The following MDN1 variants were observed in gnomAD, a reference collection of about 807,000 sequenced individuals.
The protein encoded by MDN1 is midasin.
MDN1 carries 266 observed loss-of-function variants against 669.2 expected under a neutral mutation model. The observed-to-expected ratio is 0.40, with a 90% CI of 0.36 to 0.44. The LOEUF is 0.44. MDN1 is among the 20% of genes least tolerant of loss of function. The pLI, the probability that MDN1 is intolerant of heterozygous loss-of-function variation, is 1.00. For synonymous variants in MDN1, 2,385 were observed against 2,457.1 expected (o/e 0.97, Z 0.87); for missense variants, 5,940 against 6,754.0 (o/e 0.88, Z 4.22).
chr6:89,786,854 G>A (rs1256531278), intron 8 of MDN1, among the ~76,000 whole-genome samples: 1 of 150,732 alleles, frequency 6.6e-6, no homozygotes, highest in Admixed American at 6.6e-5. Flanking sequence ...GAACCCAGGA[G>A]GTGGAGGTTG....
intron 88 of MDN1, among the ~76,000 whole-genome samples, chr6:89,659,143 G>C (rs911552878): frequency 6.6e-5 from 10 of 152,202 alleles, no homozygotes; most frequent in African/African-American, 2.2e-4. Flanking sequence ...TTGGGAGGCT[G>C]AGACAGAAGG....
Position 89,745,147 on chromosome 6 carries a change from A to AAAG in MDN1, c.4178+125_4178+126insCTT, listed in dbSNP as rs1816535271. 53 of 1,002,750 alleles carry AAAG rather than the reference A, an allele frequency of 5.3e-5. No homozygotes were observed. The African/African-American group carries it at 5.8e-4, about 11-fold the overall frequency. 62.1% of individuals were successfully genotyped at this position (1,002,750 alleles called of 1,614,324 possible). The stretch of plus-strand genomic sequence containing the variant: ...TTAGTCTCTTCTTAAAAAAAAAAAA[A>AAAG]AAAAAGAAAAAAGAGGAAGGAGGAA... On this transcript the variant is annotated intron_variant, in intron 29 of 101. Coordinates refer to ENST00000369393, the MANE Select transcript of MDN1 (RefSeq NM_014611.3).
chr6:89,733,721 T>C (rs1007722954), intron 33 of MDN1, among the ~76,000 whole-genome samples: 2 of 151,316 alleles, frequency 1.3e-5, no homozygotes, highest in South Asian at 4.1e-4. Context: ...TAAATGCTAT[T>C]TCAACAACTA....
intron 2 of MDN1, among the ~76,000 whole-genome samples, chr6:89,798,443 G>A (rs1022227948): frequency 1.8e-4 from 28 of 151,698 alleles, no homozygotes; most frequent in Admixed American, 1.2e-3. Context: ...CGGAGGTTGC[G>A]GTGAGCCAAG....
chr6:89,806,089 C>T (rs1767994278), intron 1 of MDN1, among the ~76,000 whole-genome samples: 1 of 152,028 alleles, frequency 6.6e-6, no homozygotes, highest in Admixed American at 6.6e-5. Context: ...AGGTGTGTGC[C>T]ACCACGCCCA....
At chr6:89,772,428 C>A (rs936093132) in intron 14 of MDN1, 145 bp downstream of exon 14, 26 of 745,914 alleles carry the variant, frequency 3.5e-5, no homozygotes, top group Non-Finnish European at 5.2e-5. Flanking sequence ...AATCTATTAA[C>A]AGTAGTTATT....
At chr6:89,747,550 C>A in intron 26 of MDN1, 80 bp from the exon 27 acceptor site, 1 of 1,378,404 alleles carries the variant, frequency 7.3e-7, no homozygotes, top group South Asian at 1.4e-5. Context: ...ATATAAAATT[C>A]ATAACAAATT....
chr6:89,658,761 A>C lies in MDN1; in HGVS notation c.14870T>G (p.Met4957Arg), dbSNP rs779251556. ...EDDKAEGEEEMDTGADDQDGD... is the reference protein window; with the variant it reads ...EDDKAEGEEERDTGADDQDGD... Reference sequence around the variant, plus strand: ...ATCTTGGTCATCAGCTCCTGTGTCCATTTCCTCTTCCCCTTCTGCCTTGTC... The same window carrying C: ...ATCTTGGTCATCAGCTCCTGTGTCCCTTTCCTCTTCCCCTTCTGCCTTGTC... The change falls in exon 89 of 102, where the codon ATG (methionine) becomes AGG (arginine). Residue 4957 changes from methionine to arginine, a missense_variant. Met to Arg is a moderately conservative substitution (Grantham distance 91). Coordinates refer to ENST00000369393, the MANE Select transcript of MDN1 (RefSeq NM_014611.3). 11 of 1,613,780 alleles carry C rather than the reference A, an allele frequency of 6.8e-6. No homozygotes were observed. In the South Asian group the frequency reaches 1.2e-4, roughly 18 times the overall value.
rs1257174167 is a variant in MDN1, at chr6:89,694,120, C to A, written c.9835G>T (p.Asp3279Tyr). The change falls in exon 62 of 102, where the codon GAC becomes TAC. Residue 3279 changes from aspartate (D) to tyrosine (Y), a missense_variant. Coordinates refer to ENST00000369393, the MANE Select transcript of MDN1 (RefSeq NM_014611.3). ...NLSSQLQTGR[D>Y]LEDEVVVSYS... ...CTGACAACGACTTCATCTTCCAGGTCTCTTCCAGTCTGCAGCTGGGATGAC... is the reference window on the plus strand; with the variant it reads ...CTGACAACGACTTCATCTTCCAGGTATCTTCCAGTCTGCAGCTGGGATGAC... 1.9e-6 allele frequency: 3 copies of A among 1,614,118 alleles called. No individual in the cohort carries two copies. Among genetic ancestry groups the A allele is most frequent in the Non-Finnish European group, 2.5e-6 (3 of 1,180,052 alleles).
Position 89,789,828 on chromosome 6 carries a change from C to T in MDN1, c.1182G>A (p.Met394Ile). The T allele has an allele frequency of 1.1e-5, 18 of 1,614,130 alleles. No individual in the cohort carries two copies. Among genetic ancestry groups the T allele is most frequent in the Non-Finnish European group, 1.4e-5 (16 of 1,180,012 alleles). ...QPGTLTQAAT[M>I]GHWILLEDID... Reference sequence around the variant, plus strand: ...TATCCTCCAGAAGGATCCAGTGGCCCATTGTGGCTGCCTGTGTCAGGGTGC... The same window carrying T: ...TATCCTCCAGAAGGATCCAGTGGCCTATTGTGGCTGCCTGTGTCAGGGTGC... The change falls in exon 7 of 102, where the codon ATG becomes ATA. Residue 394 changes from methionine to isoleucine, a missense_variant. Met to Ile is a conservative substitution (Grantham distance 10, BLOSUM62 1). Coordinates refer to ENST00000369393, the MANE Select transcript of MDN1 (RefSeq NM_014611.3).
intron 81 of MDN1, 41 bp downstream of exon 81, chr6:89,672,506 A>T (rs371834254): frequency 3.8e-6 from 6 of 1,598,254 alleles, no homozygotes; most frequent in Non-Finnish European, 5.1e-6. Flanking sequence ...ACAAAAATTA[A>T]ATCAGGCATG....
In MDN1 at chr6:89,811,605, C is replaced by A. The variant is rs535349710; in HGVS notation, c.102+7901G>T. ...GGACTACAGGAGTGTGCCACCACGC[C>A]CAGCTAATTTTTGTATTTTTAGTAG... On this transcript the variant is annotated intron_variant, in intron 1 of 101. Coordinates refer to ENST00000369393, the MANE Select transcript of MDN1 (RefSeq NM_014611.3). 9.9e-5 allele frequency among the ~76,000 whole-genome samples: 15 copies of A among 152,054 alleles called. No homozygotes were observed. The South Asian group carries it at 3.1e-3, about 32-fold the overall frequency.
At chr6:89,673,611 G>C (rs1810984160) in intron 79 of MDN1, 149 bp from the exon 80 acceptor site, 6 of 651,440 alleles carry the variant, frequency 9.2e-6, no homozygotes, top group Non-Finnish European at 1.3e-5. Context: ...GTGCTGTGCA[G>C]GTCCACTGAG....
rs1306692235 is a variant in MDN1 at position 89,644,067 on chromosome 6, C to G, written c.16729G>C (p.Glu5577Gln). 2 of 1,613,936 alleles carry G rather than the reference C, an allele frequency of 1.2e-6. No homozygotes were observed. The highest frequency in any genetic ancestry group is 1.7e-6 in the Non-Finnish European group (2 of 1,180,016). Residue 5577 changes from glutamate (E) to glutamine (Q), a missense_variant, in exon 102 of 102, where the codon GAG (glutamate) becomes CAG (glutamine). Coordinates refer to ENST00000369393, the MANE Select transcript of MDN1 (RefSeq NM_014611.3). ...TGTCTGAGGGCATCGCTGAGTGTCTCAGGAAGTGCGTTTACATCTCGAAGA... is the reference window on the plus strand; with the variant it reads ...TGTCTGAGGGCATCGCTGAGTGTCTGAGGAAGTGCGTTTACATCTCGAAGA... ...IILRDVNALP[E>Q]TLSDALRQWF...
Position 89,674,188 on chromosome 6 carries a change from G to A in MDN1, c.13163C>T (p.Thr4388Ile), listed in dbSNP as rs2128304680. Residue 4388 changes from threonine to isoleucine, a missense_variant, in exon 79 of 102, where the codon ACA (threonine) becomes ATA (isoleucine). Thr to Ile is a moderately conservative substitution (Grantham distance 89, BLOSUM62 -1). Transcript: ENST00000369393. The stretch of plus-strand genomic sequence containing the variant: ...TGTTTTAATGGTTTTTAGCATCTCT[G>A]TTAATCTCGTAGTTGACTGTTGCCA... ...HLWQQSTTRLTEMLKTIKTVK... is the reference protein window; with the variant it reads ...HLWQQSTTRLIEMLKTIKTVK... 1 of 1,614,208 alleles carries A rather than the reference G, an allele frequency of 6.2e-7. No individual in the cohort carries two copies. The highest frequency in any genetic ancestry group is 1.1e-5 in the South Asian group (1 of 91,080).
At position 89,729,151 on chromosome 6, in the gene MDN1, AAAAGT is replaced by A; in HGVS notation, c.5141-17_5141-13del. On this transcript the variant is annotated splice_polypyrimidine_tract_variant and intron_variant, in intron 35 of 101. Coordinates refer to ENST00000369393, the MANE Select transcript of MDN1 (RefSeq NM_014611.3). ...GTGTAGGACAGGTCCTTAAGTGGAG[AAAAGT>A]AAAGTCATGTATAAGCGGGACATCA... The A allele has an allele frequency of 6.2e-7, 1 of 1,605,102 alleles. No homozygotes were observed. Among genetic ancestry groups the A allele is most frequent in the African/African-American group, 1.3e-5 (1 of 74,856 alleles).
chr6:89,722,880 G>A lies in MDN1; in HGVS notation c.5967+75C>T, dbSNP rs1236846657. ...AAAAAAAAAAAAAGGCTTGCAATTA[G>A]TGTATGTCCTTTCTCACCCACAGGA... On this transcript the variant is annotated intron_variant, in intron 40 of 101. Coordinates refer to ENST00000369393, the MANE Select transcript of MDN1 (RefSeq NM_014611.3). 2.5e-6 allele frequency: 3 copies of A among 1,221,814 alleles called. No individual in the cohort carries two copies. The African/African-American group carries it at 4.6e-5, about 19-fold the overall frequency. 75.7% of individuals were successfully genotyped at this position (1,221,814 alleles called of 1,614,324 possible).
chr6:89,724,822 T>G (rs1432073975), intron 38 of MDN1, among the ~76,000 whole-genome samples: 3 of 152,088 alleles, frequency 2.0e-5, no homozygotes, highest in Non-Finnish European at 4.4e-5. Context: ...CATAGTAGTT[T>G]TCTGTTCTTT....
intron 61 of MDN1, among the ~76,000 whole-genome samples, chr6:89,694,859 T>TTTA (rs1812626058): frequency 6.6e-6 from 1 of 152,168 alleles, no homozygotes; most frequent in Admixed American, 6.5e-5. Flanking sequence ...AGCCTCTACT[T>TTTA]GATTCTTGAG....
Sources: gnomAD v4.1 joint callset for allele counts (sites outside exome capture counted in the v4.1 genomes callset) on GRCh38, gnomAD v4.1.1 for gene constraint, MANE v1.5 for transcripts, NCBI Gene and HGNC (gene_info 2026-07-23, HGNC 2026-07-21) for gene names.